SHPRH: variants seen among roughly 807,000 people sequenced by gnomAD.
The protein encoded by SHPRH is E3 ubiquitin-protein ligase SHPRH.
SHPRH carries 106 observed loss-of-function variants against 202.5 expected under a neutral mutation model. That is an observed-to-expected ratio of 0.52 (90% confidence interval 0.45 to 0.62). The LOEUF (loss-of-function observed/expected upper bound fraction) is 0.62, where lower values mean the gene tolerates loss of function less well. Ranked by LOEUF, SHPRH falls within the 20% of genes least tolerant of loss-of-function variation. The probability of loss-of-function intolerance (pLI) is 0.00; values close to 1 mark genes in which losing one functional copy is unlikely to be tolerated. For missense variants in SHPRH, 1,710 were observed against 2,020.0 expected (o/e 0.85, Z 2.94); for synonymous variants, 729 against 686.0 (o/e 1.06, Z -0.98).
intron 25 of SHPRH, chr6:145,906,504 C>T (rs1247023141): frequency 3.9e-5 from 6 of 152,114 alleles, no homozygotes; most frequent in Non-Finnish European, 8.8e-5. Flanking sequence ...CAATGAAACT[C>T]TACTTTCTAT....
At chr6:145,913,243 G>C (rs903541775) in intron 24 of SHPRH, among the ~76,000 whole-genome samples, 1 of 152,042 alleles carries the variant, frequency 6.6e-6, no homozygotes, top group Non-Finnish European at 1.5e-5. Flanking sequence ...CATCTTTAAT[G>C]AAAAAGATGG....
Position 145,935,159 on chromosome 6 carries a change from T to C in SHPRH, c.2738A>G (p.Gln913Arg), listed in dbSNP as rs1307069988. Residue 913 changes from glutamine to arginine, a missense_variant, in exon 13 of 30, where the codon CAA becomes CGA. By Grantham distance (43) the Gln-to-Arg change is conservative. Around this residue, in one of 8 missense-constraint regions of SHPRH, gnomAD observed 277 missense variants for 363.0 expected, o/e 0.76. Coordinates refer to ENST00000275233, the MANE Select transcript of SHPRH (RefSeq NM_001042683.3). The part of the protein sequence containing the change: ...SAKKDVIDQI[Q>R]IPPQTEEIHW... The stretch of plus-strand genomic sequence containing the variant: ...TATTTCTTCGGTTTGTGGTGGTATT[T>C]GGATCTGTGAAAAGGAGCAGAAAAA... The C allele has an allele frequency of 6.2e-7, 1 of 1,613,298 alleles. No individual in the cohort carries two copies. Among genetic ancestry groups the C allele is most frequent in the African/African-American group, 1.3e-5 (1 of 74,842 alleles).
downstream of SHPRH, among the ~76,000 whole-genome samples, chr6:145,860,602 T>G (rs1214111180): frequency 6.6e-6 from 1 of 152,014 alleles, no homozygotes; most frequent in African/African-American, 2.4e-5. Flanking sequence ...CAATGCAATC[T>G]TTATCAAAAT....
the SHPRH span, among the ~76,000 whole-genome samples, chr6:145,858,757 T>C: frequency 1.3e-5 from 2 of 152,102 alleles, no homozygotes; most frequent in Non-Finnish European, 1.5e-5. Context: ...GGTTTTCTGC[T>C]GAGCCTTTCT....
chr6:145,893,797 G>A (rs761133680), intron 27 of SHPRH, among the ~76,000 whole-genome samples: 18 of 152,062 alleles, frequency 1.2e-4, no homozygotes, highest in Non-Finnish European at 2.6e-4. Context: ...TGAGCATGAT[G>A]TAAGGATAAC....
chr6:145,943,207 G>T lies in SHPRH; in HGVS notation c.2174C>A (p.Ser725Tyr). 1 of 1,613,642 alleles carries T rather than the reference G, an allele frequency of 6.2e-7. No individual in the cohort carries two copies. The highest frequency in any genetic ancestry group is 8.5e-7 in the Non-Finnish European group (1 of 1,179,784). Reference sequence around the variant, plus strand: ...CTCATCCACCCACTGGTGACAGATGGAACTTGGAGAGATGATCAGAGTTGC... The same window carrying T: ...CTCATCCACCCACTGGTGACAGATGTAACTTGGAGAGATGATCAGAGTTGC... ...TRATLIISPSSICHQWVDEIN... is the reference protein window; with the variant it reads ...TRATLIISPSYICHQWVDEIN... The change falls in exon 9 of 30, where the codon TCC becomes TAC. Residue 725 changes from serine (S) to tyrosine (Y), a missense_variant. Physicochemically the swap from Ser to Tyr is moderately radical, Grantham distance 144. This residue lies in a region of SHPRH where 277 missense variants were observed against 363.0 expected (regional missense o/e 0.76). Coordinates refer to ENST00000275233, the MANE Select transcript of SHPRH (RefSeq NM_001042683.3).
chr6:145,878,745 T>A (rs2253764), intron 2 of SHPRH, among the ~76,000 whole-genome samples: 68,488 of 152,060 alleles, frequency 0.45, 15,942 homozygotes, highest in African/African-American at 0.55. Context: ...TCCTCAGGAA[T>A]TTCACTGTTC....
chr6:145,865,414 T>A (rs1428591307), intron 2 of SHPRH, among the ~76,000 whole-genome samples: 1 of 152,200 alleles, frequency 6.6e-6, no homozygotes, highest in African/African-American at 2.4e-5. Flanking sequence ...CCATGTGACA[T>A]CCTGATCTTG....
At chr6:145,867,631 T>TATATATATAGAG (rs1554220329) in intron 2 of SHPRH, among the ~76,000 whole-genome samples, 30 of 22,312 alleles carry the variant, frequency 1.3e-3, no homozygotes, top group East Asian at 1.8e-3. Flanking sequence ...TATATATATA[T>TATATATATAGAG]AGAGAGAGAG....
intron 28 of SHPRH, among the ~76,000 whole-genome samples, chr6:145,890,681 C>T (rs956400355): frequency 1.4e-4 from 21 of 152,102 alleles, no homozygotes; most frequent in African/African-American, 4.3e-4. Flanking sequence ...CATTCAGTCT[C>T]GTGACTTAAT....
chr6:145,929,964 T>C (rs758558664), intron 14 of SHPRH, among the ~76,000 whole-genome samples: 4 of 152,066 alleles, frequency 2.6e-5, no homozygotes, highest in Non-Finnish European at 5.9e-5. Flanking sequence ...TTAAGAACAA[T>C]AGTTGAGGTA....
chr6:145,923,278 T>C (rs1038847276), intron 18 of SHPRH, among the ~76,000 whole-genome samples: 2 of 151,622 alleles, frequency 1.3e-5, no homozygotes, highest in East Asian at 1.9e-4. Flanking sequence ...TGAATATATA[T>C]ATATATGTAT....
chr6:145,951,205 C>T (rs1038894277), intron 3 of SHPRH, among the ~76,000 whole-genome samples: 3 of 151,944 alleles, frequency 2.0e-5, no homozygotes, highest in Non-Finnish European at 4.4e-5. Context: ...GTAATAAAAA[C>T]CTTGAACATA....
rs551438748 is a variant in SHPRH, at chr6:145,943,952, C to G, written c.1579-150G>C. ...GAGAATCACTCCTGATAAGTGGCTT[C>G]CAATCTGCCCTCTGTAAGGACCCTC... On this transcript the variant is annotated intron_variant, in intron 8 of 29. Transcript: ENST00000275233. 9.6e-4 allele frequency: 684 copies of G among 713,024 alleles called. 10 individuals carry two copies. The South Asian group carries it at 0.014, about 15-fold the overall frequency. The allele number at this position is 713,024 out of a possible 1,614,324, so 44.2% of individuals were successfully genotyped here.
chr6:145,886,659 C>T lies in SHPRH; in HGVS notation c.*32G>A. The T allele has an allele frequency of 6.2e-7, 1 of 1,605,922 alleles. No individual in the cohort carries two copies. The highest frequency in any genetic ancestry group is 8.5e-7 in the Non-Finnish European group (1 of 1,177,604). On this transcript the variant is annotated 3_prime_UTR_variant, in exon 30 of 30. Coordinates refer to ENST00000275233, the MANE Select transcript of SHPRH (RefSeq NM_001042683.3). ...CTACAGCTATGAAAGTTTATTAATACACTAAAGTCCATGGAATGAATCAAG... is the reference window on the plus strand; with the variant it reads ...CTACAGCTATGAAAGTTTATTAATATACTAAAGTCCATGGAATGAATCAAG...
chr6:145,870,323 G>A (rs920071297), intron 2 of SHPRH, among the ~76,000 whole-genome samples: 9 of 145,754 alleles, frequency 6.2e-5, no homozygotes, highest in Middle Eastern at 3.3e-3. Flanking sequence ...GTGCAGTGGT[G>A]CAATCTTGGC....
At chr6:145,957,192 T>C (rs1313400006) in intron 1 of SHPRH, among the ~76,000 whole-genome samples, 4 of 151,866 alleles carry the variant, frequency 2.6e-5, no homozygotes, top group Non-Finnish European at 5.9e-5. Context: ...CCTCCTAAAA[T>C]GTAAGAATTA....
At chr6:145,910,928 C>CT (rs1676061844) in intron 24 of SHPRH, among the ~76,000 whole-genome samples, 1 of 152,038 alleles carries the variant, frequency 6.6e-6, no homozygotes, top group Non-Finnish European at 1.5e-5. Context: ...CTTCAGCACT[C>CT]TAACAACAGA....
chr6:145,923,491 A>T (rs1189221290), intron 18 of SHPRH, 152 bp downstream of exon 18: 2 of 967,552 alleles, frequency 2.1e-6, no homozygotes, highest in East Asian at 2.6e-5. Context: ...TGTGAATAAA[A>T]AAGGCTGCAA....
Sources: gnomAD v4.1 joint callset for allele counts (sites outside exome capture counted in the v4.1 genomes callset) on GRCh38, gnomAD v4.1.1 for gene constraint, gnomAD v4.1.1 regional missense constraint, MANE v1.5 for transcripts, NCBI Gene and HGNC (gene_info 2026-07-23, HGNC 2026-07-21) for gene names.